The following ARHGAP10 variants were observed in gnomAD, a reference collection of about 807,000 sequenced individuals.
The protein encoded by ARHGAP10 is Rho GTPase activating protein 10.
ARHGAP10 carries 87 observed loss-of-function variants against 108.6 expected under a neutral mutation model. The observed-to-expected ratio is 0.80, with a 90% CI of 0.67 to 0.96. The LOEUF (loss-of-function observed/expected upper bound fraction) is 0.96. Among genes scored for constraint, ARHGAP10 ranks in the 40% least tolerant of loss-of-function variants. The probability of loss-of-function intolerance (pLI) is 0.00; values close to 1 mark genes in which losing one functional copy is unlikely to be tolerated. For missense variants in ARHGAP10, 939 were observed against 954.5 expected, an observed-to-expected ratio of 0.98 and a Z score of 0.21; for synonymous variants, 347 against 341.1, an observed-to-expected ratio of 1.02 and a Z score of -0.19.
intron 1 of ARHGAP10, among the ~76,000 whole-genome samples, chr4:147,739,996 A>G (rs1181103797): frequency 2.0e-5 from 3 of 150,182 alleles, no homozygotes; most frequent in East Asian, 2.0e-4. Context: ...TCGGCCTCCA[A>G]AAGTCCTGGG....
intron 19 of ARHGAP10, among the ~76,000 whole-genome samples, chr4:148,032,226 G>A (rs940936237): frequency 1.3e-5 from 2 of 151,352 alleles, no homozygotes; most frequent in African/African-American, 2.4e-5. Flanking sequence ...CAGTGCCTGC[G>A]TCTGCAAGCC....
intron 18 of ARHGAP10, among the ~76,000 whole-genome samples, chr4:147,997,762 A>T (rs1217366332): frequency 6.6e-6 from 1 of 152,236 alleles, no homozygotes; most frequent in Non-Finnish European, 1.5e-5. Context: ...TTGAGTATCA[A>T]TTTCTGGCCA....
intron 3 of ARHGAP10, among the ~76,000 whole-genome samples, chr4:147,841,678 T>A (rs1481640594): frequency 6.6e-6 from 1 of 152,212 alleles, no homozygotes; most frequent in Non-Finnish European, 1.5e-5. Flanking sequence ...CAGTTGACAT[T>A]GCCTTATTGA....
Position 148,060,344 on chromosome 4 carries a change from A to ACTTTTTTTTTT in ARHGAP10, c.2028-2804_2028-2803insCTTTTTTTTTT, listed in dbSNP as rs1411745355. 1.4e-4 allele frequency among the ~76,000 whole-genome samples: 17 copies of ACTTTTTTTTTT among 120,844 alleles called. 5 individuals carry two copies. The highest frequency in any genetic ancestry group is 2.7e-4 in the South Asian group (1 of 3,730). 79.3% of individuals were successfully genotyped at this position (120,844 alleles called of 152,430 possible). A position where few individuals can be genotyped will look rare whatever the true frequency, so the allele number is the denominator to read the frequency against. ...TGGTTACATAACGAAGCTCATGTTT[A>ACTTTTTTTTTT]GTTTTTTTTTTTTTTTTTTTTTGGC... On this transcript the variant is annotated intron_variant, in intron 20 of 22. Transcript: ENST00000336498.
chr4:147,809,649 G>C (rs571897441), intron 1 of ARHGAP10, among the ~76,000 whole-genome samples: 2 of 152,230 alleles, frequency 1.3e-5, no homozygotes, highest in South Asian at 4.2e-4. Context: ...GCACTATACT[G>C]TACACCAGCG....
chr4:147,774,465 T>A (rs1186146519), intron 1 of ARHGAP10, among the ~76,000 whole-genome samples: 1 of 152,252 alleles, frequency 6.6e-6, no homozygotes, highest in African/African-American at 2.4e-5. Context: ...GTTTAAAGTA[T>A]GTGTTTAGGA....
chr4:148,043,501 A>G (rs1224906753), intron 19 of ARHGAP10, among the ~76,000 whole-genome samples: 1 of 150,350 alleles, frequency 6.7e-6, no homozygotes, highest in African/African-American at 2.4e-5. Context: ...ATTCCCAGCC[A>G]GGGGTGGTGG....
At chr4:147,999,907 A>C (rs1740628170) in intron 18 of ARHGAP10, among the ~76,000 whole-genome samples, 1 of 151,756 alleles carries the variant, frequency 6.6e-6, no homozygotes, top group South Asian at 2.1e-4. Flanking sequence ...CAGTGGGAAA[A>C]ATAGCTCCTA....
At chr4:148,026,611 T>C (rs192104667) in intron 19 of ARHGAP10, among the ~76,000 whole-genome samples, 2 of 152,262 alleles carry the variant, frequency 1.3e-5, no homozygotes, top group African/African-American at 4.8e-5. Flanking sequence ...AGCTTCTTTA[T>C]TGATGATTAA....
chr4:147,869,996 G>GTTTTTT (rs10644018), intron 7 of ARHGAP10, among the ~76,000 whole-genome samples: 8,615 of 131,346 alleles, frequency 0.066, 794 homozygotes, highest in African/African-American at 0.18. Flanking sequence ...AAAAGTCCCA[G>GTTTTTT]TTTGTGTGTG....
intron 1 of ARHGAP10, among the ~76,000 whole-genome samples, chr4:147,775,049 G>A (rs1730229246): frequency 6.6e-6 from 1 of 151,954 alleles, no homozygotes; most frequent in East Asian, 1.9e-4. Context: ...TGAGTAGCTG[G>A]GATTATAGGC....
intron 3 of ARHGAP10, among the ~76,000 whole-genome samples, chr4:147,830,628 T>A (rs981674421): frequency 6.6e-6 from 1 of 151,464 alleles, no homozygotes; most frequent in Non-Finnish European, 1.5e-5. Flanking sequence ...CAAGTGATTA[T>A]CCTGCTTCAG....
chr4:147,755,100 C>A (rs1300731029), intron 1 of ARHGAP10, among the ~76,000 whole-genome samples: 1 of 149,830 alleles, frequency 6.7e-6, no homozygotes, highest in Non-Finnish European at 1.5e-5. Flanking sequence ...AAAAAAAATT[C>A]TTTCAAAATG....
At chr4:147,939,995 C>CA (rs1738112000) in intron 14 of ARHGAP10, 96 bp downstream of exon 14, 2 of 1,163,334 alleles carry the variant, frequency 1.7e-6, no homozygotes, top group South Asian at 2.9e-5. Context: ...GAATACTTGT[C>CA]ATTCCATTCC....
intron 16 of ARHGAP10, among the ~76,000 whole-genome samples, chr4:147,958,741 T>G (rs1469959297): frequency 1.3e-5 from 2 of 152,220 alleles, no homozygotes; most frequent in African/African-American, 4.8e-5. Flanking sequence ...TGCTAATGCC[T>G]TTCTAAAATT....
At chr4:147,776,044 G>A (rs1301065437) in intron 1 of ARHGAP10, among the ~76,000 whole-genome samples, 1 of 152,138 alleles carries the variant, frequency 6.6e-6, no homozygotes, top group Admixed American at 6.6e-5. Context: ...TTTTCAGATG[G>A]AGAATTTTTT....
At chr4:147,839,769 C>G (rs901522587) in intron 3 of ARHGAP10, among the ~76,000 whole-genome samples, 2 of 152,166 alleles carry the variant, frequency 1.3e-5, no homozygotes, top group African/African-American at 2.4e-5. Context: ...TTTTTTAGCT[C>G]TAGCGTGGAC....
At chr4:147,946,751 T>C in intron 15 of ARHGAP10, 47 bp downstream of exon 15, 4 of 1,437,914 alleles carry the variant, frequency 2.8e-6, no homozygotes, top group Non-Finnish European at 3.8e-6. Flanking sequence ...TATTTGGATC[T>C]GTAACATAAA....
chr4:148,047,247 T>A (rs561447712), intron 20 of ARHGAP10, among the ~76,000 whole-genome samples, 196 bp downstream of exon 20: 1 of 152,272 alleles, frequency 6.6e-6, no homozygotes, highest in South Asian at 2.1e-4. Context: ...GTGTTTCTAG[T>A]ATGGAAGGGG....
Sources: allele counts gnomAD v4.1 joint callset (sites outside exome capture counted in the v4.1 genomes callset), GRCh38; gene constraint gnomAD v4.1.1; transcripts MANE v1.5; gene names NCBI Gene and HGNC (gene_info 2026-07-23, HGNC 2026-07-21).